BPIFB6: variants seen among roughly 807,000 people sequenced by gnomAD.
BPIFB6 encodes BPI fold containing family B member 6.
BPIFB6 carries 47 observed loss-of-function variants against 54.7 expected under a neutral mutation model. The ratio of observed to expected loss-of-function variants is 0.86; its 90% CI spans 0.68 to 1.10. The LOEUF is 1.10. Ranked by LOEUF, BPIFB6 falls within the 50% of genes least tolerant of loss-of-function variation. The pLI, the probability that BPIFB6 is intolerant of heterozygous loss-of-function variation, is 0.00. For missense variants in BPIFB6, 603 were observed against 564.1 expected, an observed-to-expected ratio of 1.07 and a Z score of -0.70; for synonymous variants, 255 against 225.9, an observed-to-expected ratio of 1.13 and a Z score of -1.16.
At position 33,035,131 on chromosome 20, in the gene BPIFB6, T is replaced by C. The variant is rs1979281567; in HGVS notation, c.503T>C (p.Val168Ala). The C allele has an allele frequency of 1.3e-5, 21 of 1,613,498 alleles. No individual in the cohort carries two copies. Among genetic ancestry groups the C allele is most frequent in the Non-Finnish European group, 1.7e-5 (20 of 1,179,992 alleles). ...TTCCTGGACAGCACCCTGCACAAAG[T>C]CCTCCCTGGGCTGGTGAGTGACCCA... is the stretch of plus-strand genomic sequence containing the variant. ...NKFLDSTLHKVLPGLMCPAID... is the reference protein window; with the variant it reads ...NKFLDSTLHKALPGLMCPAID... The change falls in exon 5 of 15, where the codon GTC becomes GCC. Residue 168 changes from valine (V) to alanine (A), a missense_variant. Val to Ala is a moderately conservative substitution (Grantham distance 64, BLOSUM62 0). Coordinates refer to ENST00000349552, the MANE Select transcript of BPIFB6 (RefSeq NM_174897.2).
chr20:33,032,461 C>A (rs1026835060), intron 1 of BPIFB6, among the ~76,000 whole-genome samples: 1 of 152,170 alleles, frequency 6.6e-6, no homozygotes, highest in Admixed American at 6.5e-5. Flanking sequence ...GAGGAGTCCC[C>A]TAATCACCTA....
intron 11 of BPIFB6, 53 bp from the exon 12 acceptor site, chr20:33,041,917 C>A: frequency 6.4e-7 from 1 of 1,569,352 alleles, no homozygotes; most frequent in South Asian, 1.1e-5. Flanking sequence ...GGGCCACTGG[C>A]TCTGACCGTT....
At position 33,042,849 on chromosome 20, in the gene BPIFB6, T is replaced by C; in HGVS notation, c.1223T>C (p.Leu408Pro). 6.2e-7 allele frequency: 1 copy of C among 1,614,200 alleles called. No individual in the cohort carries two copies. The highest frequency in any genetic ancestry group is 2.2e-5 in the East Asian group (1 of 44,886). ...TTAACTGGCTTCATCACCAGCTATC[T>C]CGAAGAAGCCTACATCCCAGTTGTC... Reference protein sequence around the residue: ...RELTGFITSYLEEAYIPVVND... With the variant: ...RELTGFITSYPEEAYIPVVND... Residue 408 changes from leucine to proline, a missense_variant, in exon 13 of 15, where the codon CTC (leucine) becomes CCC (proline). Transcript: ENST00000349552.
intron 12 of BPIFB6, among the ~76,000 whole-genome samples, chr20:33,042,552 A>C (rs1979633999): frequency 6.6e-6 from 1 of 152,204 alleles, no homozygotes; most frequent in African/African-American, 2.4e-5. Context: ...CCACAGAGCC[A>C]CTTCTTGTCT....
chr20:33,042,071 C>A, intron 12 of BPIFB6, 56 bp downstream of exon 12: 2 of 1,555,996 alleles, frequency 1.3e-6, no homozygotes, highest in Non-Finnish European at 8.9e-7. Flanking sequence ...TGGGCCTATT[C>A]TCCCTCGGAA....
chr20:33,040,380 G>C (rs982401655), intron 11 of BPIFB6, 62 bp downstream of exon 11: 8 of 1,500,248 alleles, frequency 5.3e-6, no homozygotes, highest in African/African-American at 4.1e-5. Flanking sequence ...TTCTGATCTA[G>C]CACACCCCAC....
At chr20:33,040,344 C>A (rs1188809256) in intron 11 of BPIFB6, 26 bp downstream of exon 11, 8 of 1,609,180 alleles carry the variant, frequency 5.0e-6, no homozygotes, top group Non-Finnish European at 5.1e-6. Context: ...CCAATGCTGG[C>A]ATCCCTGTTA....
chr20:33,034,451 A>G (rs1330108422), intron 3 of BPIFB6, among the ~76,000 whole-genome samples, 161 bp downstream of exon 3: 1 of 152,234 alleles, frequency 6.6e-6, no homozygotes, highest in Non-Finnish European at 1.5e-5. Context: ...CCTAAGCACA[A>G]TCACAGACTG....
intron 13 of BPIFB6, 120 bp downstream of exon 13, chr20:33,042,998 G>A (rs1299037246): frequency 2.2e-6 from 2 of 890,280 alleles, no homozygotes; most frequent in African/African-American, 1.7e-5. Flanking sequence ...CTAAAAGGGA[G>A]TGGAAGATAA....
chr20:33,034,995 C>T lies in BPIFB6; in HGVS notation c.452+83C>T. On this transcript the variant is annotated intron_variant, in intron 4 of 14. Coordinates refer to ENST00000349552, the MANE Select transcript of BPIFB6 (RefSeq NM_174897.2). Reference sequence around the variant, plus strand: ...TATCACTTCCTGAGCCATGGAACCCCCTTAACCATGCCCCTTCATGTCCTG... The same window carrying T: ...TATCACTTCCTGAGCCATGGAACCCTCTTAACCATGCCCCTTCATGTCCTG... 1.2e-6 allele frequency: 2 copies of T among 1,609,046 alleles called. 1 individual carries two copies. Among genetic ancestry groups the T allele is most frequent in the South Asian group, 2.2e-5 (2 of 90,710 alleles).
In BPIFB6 at chr20:33,039,489, A is replaced by C; in HGVS notation, c.1043A>C (p.Lys348Thr). ...ATGTTCGCAGCTCGGTGGCGGAGCA[A>C]GGCTCCAATGTCCCTCTTTCTCCTA... Reference protein sequence around the residue: ...LEMFAARWRSKAPMSLFLLEV... With the variant: ...LEMFAARWRSTAPMSLFLLEV... The change falls in exon 10 of 15, where the codon AAG becomes ACG. Residue 348 changes from lysine to threonine, a missense_variant. Transcript: ENST00000349552. 6.2e-7 allele frequency: 1 copy of C among 1,613,262 alleles called. No homozygotes were observed. The highest frequency in any genetic ancestry group is 8.5e-7 in the Non-Finnish European group (1 of 1,179,714).
At chr20:33,042,129 C>A in intron 12 of BPIFB6, 114 bp downstream of exon 12, 1 of 1,061,824 alleles carries the variant, frequency 9.4e-7, no homozygotes. Flanking sequence ...AGAGCAAGGC[C>A]ACTGTGAGGC....
chr20:33,034,389 G>GTTGTA (rs1478957266), intron 3 of BPIFB6, 99 bp downstream of exon 3: 14 of 875,428 alleles, frequency 1.6e-5, no homozygotes, highest in Non-Finnish European at 2.3e-5. Flanking sequence ...CCATCTGAGT[G>GTTGTA]TTGTAATCTG....
At chr20:33,041,311 T>C (rs1173216745) in intron 11 of BPIFB6, among the ~76,000 whole-genome samples, 3 of 152,098 alleles carry the variant, frequency 2.0e-5, no homozygotes, top group Non-Finnish European at 2.9e-5. Flanking sequence ...TAGCTCTGCC[T>C]TCAGGTGTGG....
chr20:33,043,769 T>C (rs1244063990), intron 14 of BPIFB6, among the ~76,000 whole-genome samples: 1 of 152,186 alleles, frequency 6.6e-6, no homozygotes, highest in Non-Finnish European at 1.5e-5. Context: ...GAGTGGTAAA[T>C]GTACATTTTT....
At position 33,043,331 on chromosome 20, in the gene BPIFB6, C is replaced by T; in HGVS notation, c.1293C>T (p.Ala431=). The T allele has an allele frequency of 6.2e-7, 1 of 1,614,196 alleles. No individual in the cohort carries two copies. The highest frequency in any genetic ancestry group is 8.5e-7 in the Non-Finnish European group (1 of 1,180,034). ...GGCTCCCACTCCCGGACTTTCTGGC[C>T]ATGAATTACAACCTGGCTGAGCTGG... ...QVGLPLPDFL[A]MNYNLAELDI... The change falls in exon 14 of 15, where the codon GCC becomes GCT. Residue 431 remains alanine (A), a synonymous_variant. Transcript: ENST00000349552.
At chr20:33,042,737 G>T in intron 12 of BPIFB6, 78 bp from the exon 13 acceptor site, 2 of 1,383,390 alleles carry the variant, frequency 1.4e-6, no homozygotes, top group Non-Finnish European at 2.0e-6. Flanking sequence ...CCCAGGCCTA[G>T]CCAGAGAGGG....
At chr20:33,036,591 G>A (rs1979353715) in intron 7 of BPIFB6, 55 bp downstream of exon 7, 7 of 1,483,466 alleles carry the variant, frequency 4.7e-6, no homozygotes, top group Non-Finnish European at 6.6e-6. Flanking sequence ...GGTCTGGGTA[G>A]TGGGTGATGC....
At chr20:33,033,335 T>A (rs776329093) in intron 2 of BPIFB6, 3 of 585,370 alleles carry the variant, frequency 5.1e-6, no homozygotes, top group Non-Finnish European at 9.8e-6. Flanking sequence ...GAAATGAGGT[T>A]GGAAAGTCAA....
Sources: allele counts gnomAD v4.1 joint callset (sites outside exome capture counted in the v4.1 genomes callset), GRCh38; gene constraint gnomAD v4.1.1; transcripts MANE v1.5; gene names NCBI Gene and HGNC (gene_info 2026-07-23, HGNC 2026-07-21).